THSD7B: variants seen among roughly 807,000 people sequenced by gnomAD.
The protein encoded by THSD7B is thrombospondin type 1 domain containing 7B.
THSD7B carries 138 observed loss-of-function variants against 213.6 expected under a neutral mutation model. The ratio of observed to expected loss-of-function variants is 0.65; its 90% CI spans 0.56 to 0.74. The LOEUF (loss-of-function observed/expected upper bound fraction) is 0.74. Ranked by LOEUF, THSD7B falls within the 30% of genes least tolerant of loss-of-function variation. The probability of loss-of-function intolerance (pLI) is 0.00; values close to 1 mark genes in which losing one functional copy is unlikely to be tolerated. For synonymous variants in THSD7B, 742 were observed against 687.0 expected, an observed-to-expected ratio of 1.08 and a Z score of -1.25; for missense variants, 1,931 against 1,991.5, an observed-to-expected ratio of 0.97 and a Z score of 0.58.
rs1014132014 is a variant in THSD7B, at chr2:137,260,472, G to A, written c.2267-12061G>A. ...ATTTGTTAAAAAATTTCTTAAAAAG[G>A]TAAAAATTGTCCAGGCATGGTGGTT... is the stretch of plus-strand genomic sequence containing the variant. On this transcript the variant is annotated intron_variant, in intron 10 of 27. Transcript: ENST00000409968. Among the ~76,000 whole-genome samples, 3 of 152,212 alleles carry A rather than the reference G, an allele frequency of 2.0e-5. No individual in the cohort carries two copies. In the East Asian group the frequency reaches 5.8e-4, roughly 29 times the overall value.
At chr2:137,162,394 A>C (rs1298021400) in intron 6 of THSD7B, among the ~76,000 whole-genome samples, 3 of 152,064 alleles carry the variant, frequency 2.0e-5, no homozygotes, top group African/African-American at 7.2e-5. Flanking sequence ...TGAACCAACT[A>C]CTCTGACTGG....
At chr2:137,389,231 A>G (rs1685961862) in intron 12 of THSD7B, among the ~76,000 whole-genome samples, 1 of 137,882 alleles carries the variant, frequency 7.3e-6, no homozygotes, top group Admixed American at 7.1e-5. Context: ...AAAATAATAT[A>G]TATATATAGA....
chr2:137,272,446 T>C, intron 10 of THSD7B, 87 bp from the exon 11 acceptor site: 18 of 1,363,466 alleles, frequency 1.3e-5, no homozygotes, highest in Non-Finnish European at 1.5e-5. Flanking sequence ...ACTTTATCTC[T>C]CTCTCTTTTT....
intron 1 of THSD7B, among the ~76,000 whole-genome samples, chr2:136,770,852 A>T (rs1209296141): frequency 1.3e-5 from 2 of 152,144 alleles, no homozygotes; most frequent in Non-Finnish European, 2.9e-5. Context: ...ATTATCTAGG[A>T]GCCCAAAGGT....
chr2:137,450,695 A>C, intron 14 of THSD7B, 150 bp from the exon 15 acceptor site: 1 of 523,616 alleles, frequency 1.9e-6, no homozygotes, highest in South Asian at 4.0e-5. Context: ...TTATTTCTTA[A>C]AATTTTGGTC....
intron 2 of THSD7B, among the ~76,000 whole-genome samples, chr2:136,978,718 A>G (rs908874455): frequency 6.6e-6 from 1 of 152,050 alleles, no homozygotes; most frequent in Admixed American, 6.6e-5. Flanking sequence ...TAGCACACTG[A>G]TGGGTCTTGA....
At chr2:137,204,350 A>C (rs1680939881) in intron 7 of THSD7B, among the ~76,000 whole-genome samples, 2 of 152,128 alleles carry the variant, frequency 1.3e-5, no homozygotes, top group South Asian at 4.1e-4. Context: ...GTTATGGTGA[A>C]GAGAACTATG....
At chr2:137,533,012 T>C (rs1480997946) in intron 15 of THSD7B, among the ~76,000 whole-genome samples, 2 of 151,116 alleles carry the variant, frequency 1.3e-5, no homozygotes, top group East Asian at 3.9e-4. Flanking sequence ...CTATGTAATA[T>C]TCCTTATGTG....
chr2:137,588,119 G>T (rs1681780816), intron 17 of THSD7B, among the ~76,000 whole-genome samples: 1 of 152,168 alleles, frequency 6.6e-6, no homozygotes, highest in Non-Finnish European at 1.5e-5. Flanking sequence ...CCAAGGGCGT[G>T]GGACCCTCCG....
chr2:137,146,950 T>G (rs538909281), intron 5 of THSD7B, among the ~76,000 whole-genome samples: 1 of 152,088 alleles, frequency 6.6e-6, no homozygotes, highest in Non-Finnish European at 1.5e-5. Context: ...TAAATGAGAG[T>G]GTTTTGTCAA....
chr2:137,441,716 G>T (rs547868072), intron 14 of THSD7B, among the ~76,000 whole-genome samples: 4 of 152,146 alleles, frequency 2.6e-5, no homozygotes, highest in African/African-American at 9.6e-5. Flanking sequence ...GACATGGAAT[G>T]AAACAACAAT....
intron 14 of THSD7B, among the ~76,000 whole-genome samples, chr2:137,429,122 A>T (rs1417731770): frequency 6.6e-6 from 1 of 152,216 alleles, no homozygotes; most frequent in African/African-American, 2.4e-5. Context: ...GGACTAAGAC[A>T]TTTATGGAGA....
At chr2:137,063,370 T>C (rs1687315408) in intron 3 of THSD7B, among the ~76,000 whole-genome samples, 1 of 151,944 alleles carries the variant, frequency 6.6e-6, no homozygotes, top group Admixed American at 6.6e-5. Context: ...AATTTTAATT[T>C]ATTATTTTTT....
intron 16 of THSD7B, among the ~76,000 whole-genome samples, chr2:137,569,953 G>A (rs924527124): frequency 2.6e-5 from 4 of 151,758 alleles, no homozygotes; most frequent in African/African-American, 9.7e-5. Flanking sequence ...AATAATAAAT[G>A]AACATCAGCA....
chr2:136,862,236 T>C (rs924098639), intron 1 of THSD7B, among the ~76,000 whole-genome samples: 7 of 152,278 alleles, frequency 4.6e-5, no homozygotes, highest in South Asian at 4.1e-4. Flanking sequence ...TAGTCTGTCC[T>C]GTGGCCTCCC....
At chr2:136,900,650 C>A (rs1416935440) in intron 2 of THSD7B, among the ~76,000 whole-genome samples, 1 of 152,098 alleles carries the variant, frequency 6.6e-6, no homozygotes, top group South Asian at 2.1e-4. Context: ...TTCCAGGGAG[C>A]ACTATTTTGC....
At chr2:136,935,172 C>A (rs1444771524) in intron 2 of THSD7B, among the ~76,000 whole-genome samples, 1 of 152,044 alleles carries the variant, frequency 6.6e-6, no homozygotes, top group Non-Finnish European at 1.5e-5. Context: ...ACCTTTTTTT[C>A]TGTGTTCAAA....
At chr2:137,179,109 A>G (rs1192970588) in intron 7 of THSD7B, among the ~76,000 whole-genome samples, 1 of 152,152 alleles carries the variant, frequency 6.6e-6, no homozygotes, top group African/African-American at 2.4e-5. Flanking sequence ...AAAATGAGTC[A>G]TAGATTGTAC....
At chr2:136,956,728 G>A (rs974776226) in intron 2 of THSD7B, among the ~76,000 whole-genome samples, 10 of 149,068 alleles carry the variant, frequency 6.7e-5, no homozygotes, top group Admixed American at 2.0e-4. Flanking sequence ...CCCCCAGGCT[G>A]GAGTGCAGTT....
Sources: gnomAD v4.1 joint callset for allele counts (sites outside exome capture counted in the v4.1 genomes callset) on GRCh38, gnomAD v4.1.1 for gene constraint, MANE v1.5 for transcripts, NCBI Gene and HGNC (gene_info 2026-07-23, HGNC 2026-07-21) for gene names.